TPST1: variants seen among roughly 807,000 people sequenced by gnomAD.
The protein encoded by TPST1 is protein-tyrosine sulfotransferase 1.
A neutral mutation model predicts 34.8 loss-of-function variants in TPST1; 20 were observed. The observed-to-expected ratio is 0.57, with a 90% CI of 0.40 to 0.84. The LOEUF (loss-of-function observed/expected upper bound fraction) is 0.84, where lower values mean the gene tolerates loss of function less well. Ranked by LOEUF, TPST1 falls within the 40% of genes least tolerant of loss-of-function variation. TPST1 has a pLI of 0.00. For missense variants in TPST1, 353 were observed against 455.5 expected, an observed-to-expected ratio of 0.78 and a Z score of 2.05; for synonymous variants, 152 against 159.4, an observed-to-expected ratio of 0.95 and a Z score of 0.35.
intron 3 of TPST1, among the ~76,000 whole-genome samples, chr7:66,310,415 A>G (rs1203632778): frequency 1.3e-5 from 2 of 152,130 alleles, no homozygotes; most frequent in African/African-American, 4.8e-5. Flanking sequence ...TGGGCTTAGG[A>G]CTGTCCATCC....
At chr7:66,306,208 A>G (rs1315530552) in intron 3 of TPST1, among the ~76,000 whole-genome samples, 1 of 151,992 alleles carries the variant, frequency 6.6e-6, no homozygotes, top group Non-Finnish European at 1.5e-5. Flanking sequence ...CCTTTATAAT[A>G]CTCTTGTGAA....
At chr7:66,335,071 G>A (rs1490421009) in intron 3 of TPST1, among the ~76,000 whole-genome samples, 1 of 152,228 alleles carries the variant, frequency 6.6e-6, no homozygotes, top group Non-Finnish European at 1.5e-5. Flanking sequence ...GTGCCACTGG[G>A]GTGTAATCAG....
At chr7:66,286,825 T>TTTTTTTTG in intron 3 of TPST1, 116 bp downstream of exon 3, 2 of 637,414 alleles carry the variant, frequency 3.1e-6, no homozygotes, top group Non-Finnish European at 4.4e-6. Flanking sequence ...ATATTTTTTT[T>TTTTTTTTG]TTTTTTCATT....
intron 3 of TPST1, among the ~76,000 whole-genome samples, chr7:66,306,805 C>T (rs889440452): frequency 6.6e-5 from 10 of 152,254 alleles, no homozygotes; most frequent in Admixed American, 2.6e-4. Flanking sequence ...CTCCCCCTCC[C>T]GGGTTGAAGC....
intron 3 of TPST1, among the ~76,000 whole-genome samples, chr7:66,327,003 T>G (rs536486314): frequency 3.3e-5 from 5 of 152,188 alleles, no homozygotes; most frequent in African/African-American, 1.2e-4. Flanking sequence ...ATCAGCTGTT[T>G]TACAGTATTT....
chr7:66,354,636 C>A (rs1216621450), intron 4 of TPST1, among the ~76,000 whole-genome samples: 1 of 150,892 alleles, frequency 6.6e-6, no homozygotes, highest in Admixed American at 6.6e-5. Context: ...TCCTGCTTCA[C>A]AACATACCTA....
At chr7:66,259,750 A>G (rs1036155495) in intron 2 of TPST1, among the ~76,000 whole-genome samples, 2 of 152,174 alleles carry the variant, frequency 1.3e-5, no homozygotes, top group Non-Finnish European at 2.9e-5. Context: ...ATGAATTTAT[A>G]TTGACACATT....
At chr7:66,302,058 TA>T (rs1206188254) in intron 3 of TPST1, among the ~76,000 whole-genome samples, 1 of 152,236 alleles carries the variant, frequency 6.6e-6, no homozygotes, top group African/African-American at 2.4e-5. Flanking sequence ...ACCTTTTGTA[TA>T]ACAGAGGGGT....
intron 5 of TPST1, among the ~76,000 whole-genome samples, chr7:66,357,912 C>T (rs773463618): frequency 6.6e-6 from 1 of 152,096 alleles, no homozygotes; most frequent in Non-Finnish European, 1.5e-5. Flanking sequence ...AGTGAAACCT[C>T]GTCTCTACTA....
chr7:66,302,659 T>C (rs1486178039), intron 3 of TPST1, among the ~76,000 whole-genome samples: 1 of 152,224 alleles, frequency 6.6e-6, no homozygotes, highest in Non-Finnish European at 1.5e-5. Context: ...TGATTCAAGG[T>C]AGCTAGAAAC....
At chr7:66,207,429 G>A (rs765200869) in intron 1 of TPST1, among the ~76,000 whole-genome samples, 1 of 152,184 alleles carries the variant, frequency 6.6e-6, no homozygotes, top group Non-Finnish European at 1.5e-5. Flanking sequence ...CTCAGAAGAA[G>A]AGGGGTCTTA....
intron 2 of TPST1, among the ~76,000 whole-genome samples, chr7:66,275,714 T>C (rs1790795519): frequency 1.3e-5 from 2 of 152,150 alleles, no homozygotes; most frequent in Non-Finnish European, 2.9e-5. Flanking sequence ...TACCAGGGCC[T>C]GGAGGTTAGA....
At chr7:66,273,806 T>A (rs1182427326) in intron 2 of TPST1, among the ~76,000 whole-genome samples, 3 of 149,932 alleles carry the variant, frequency 2.0e-5, no homozygotes, top group Non-Finnish European at 3.0e-5. Flanking sequence ...AAAAAAAAAA[T>A]TTTTTTTTTC....
chr7:66,315,503 A>G lies in TPST1; in HGVS notation c.1044+28794A>G, dbSNP rs114467894. On this transcript the variant is annotated intron_variant, in intron 3 of 5. Transcript: ENST00000304842. The stretch of plus-strand genomic sequence containing the variant: ...AGGACAAGAAAGCCTGGGTGATGCA[A>G]TCTGGAGAGCTTGACCTCCTGGGGC... Among the ~76,000 whole-genome samples, 327 of 152,344 alleles carry G rather than the reference A, an allele frequency of 2.1e-3. 2 individuals carry two copies. The highest frequency in any genetic ancestry group is 7.6e-3 in the African/African-American group (318 of 41,590).
chr7:66,261,600 G>C (rs2115718948), intron 2 of TPST1, among the ~76,000 whole-genome samples: 1 of 152,146 alleles, frequency 6.6e-6, no homozygotes, highest in African/African-American at 2.4e-5. Context: ...CTTTAGGAAA[G>C]TCTTTGTGTG....
intron 2 of TPST1, among the ~76,000 whole-genome samples, chr7:66,259,260 G>A (rs1790438112): frequency 1.3e-5 from 2 of 152,178 alleles, no homozygotes; most frequent in East Asian, 3.9e-4. Context: ...GTGAGCTTTG[G>A]TAGTTTGTCT....
Position 66,332,534 on chromosome 7 carries a change from A to G in TPST1, c.1045-19971A>G, listed in dbSNP as rs548808595. Among the ~76,000 whole-genome samples, 1 of 152,230 alleles carries G rather than the reference A, an allele frequency of 6.6e-6. No individual in the cohort carries two copies. Among genetic ancestry groups the G allele is most frequent in the Non-Finnish European group, 1.5e-5 (1 of 68,000 alleles). On this transcript the variant is annotated intron_variant, in intron 3 of 5. Transcript: ENST00000304842. This position sits in a 1 kb window ranked among gnomAD's most constrained non-coding sequence, Gnocchi z 4.5. Reference sequence around the variant, plus strand: ...GTGATCCACCCGCCTCGGCCTCCCAAAGTGCTAGGATTACAGGCATGAGCC... The same window carrying G: ...GTGATCCACCCGCCTCGGCCTCCCAGAGTGCTAGGATTACAGGCATGAGCC...
At chr7:66,259,845 T>C (rs1007541427) in intron 2 of TPST1, among the ~76,000 whole-genome samples, 7 of 152,210 alleles carry the variant, frequency 4.6e-5, no homozygotes, top group African/African-American at 1.7e-4. Context: ...TATACTACCA[T>C]ATATCTACCA....
chr7:66,308,328 C>G (rs866631764), intron 3 of TPST1, among the ~76,000 whole-genome samples: 2 of 152,234 alleles, frequency 1.3e-5, no homozygotes, highest in African/African-American at 4.8e-5. Flanking sequence ...ACACATCACT[C>G]ATGAAGTATC....
Sources: gnomAD v4.1 joint callset for allele counts (sites outside exome capture counted in the v4.1 genomes callset) on GRCh38, gnomAD v4.1.1 for gene constraint, Gnocchi (gnomAD v3.1) non-coding constraint, MANE v1.5 for transcripts, NCBI Gene and HGNC (gene_info 2026-07-23, HGNC 2026-07-21) for gene names.